The following TAFA1 variants were observed in gnomAD, a reference collection of about 807,000 sequenced individuals.
TAFA1 encodes TAFA chemokine like family member 1.
TAFA1 carries 4 observed loss-of-function variants against 18.5 expected under a neutral mutation model. The observed-to-expected ratio is 0.22, with a 90% CI of 0.11 to 0.49. The LOEUF (loss-of-function observed/expected upper bound fraction) is 0.49. Ranked by LOEUF, TAFA1 falls within the 20% of genes least tolerant of loss-of-function variation. The pLI is 0.98. For synonymous variants in TAFA1, 56 were observed against 55.2 expected, an observed-to-expected ratio of 1.01 and a Z score of -0.06; for missense variants, 147 against 169.0, an observed-to-expected ratio of 0.87 and a Z score of 0.72.
Position 68,544,468 on chromosome 3 carries a change from G to T in TAFA1, c.385-18G>T. ...TTGCACTGTTCTCCCTGAAATGTCT[G>T]TCTTTCTTTGGTTTCAGATTCACCC... On this transcript the variant is annotated intron_variant, in intron 4 of 4. Coordinates refer to ENST00000478136, the MANE Select transcript of TAFA1 (RefSeq NM_213609.4). 1.2e-6 allele frequency: 2 copies of T among 1,611,984 alleles called. No individual in the cohort carries two copies. The highest frequency in any genetic ancestry group is 1.7e-6 in the Non-Finnish European group (2 of 1,178,666).
Position 68,105,978 on chromosome 3 carries a change from G to A in TAFA1, c.118+99234G>A, listed in dbSNP as rs375691446. Among the ~76,000 whole-genome samples, 406 of 152,186 alleles carry A rather than the reference G, an allele frequency of 2.7e-3. 2 individuals are homozygous for A. The highest frequency in any genetic ancestry group is 0.024 in the Middle Eastern group (7 of 294). On this transcript the variant is annotated intron_variant, in intron 2 of 4. Coordinates refer to ENST00000478136, the MANE Select transcript of TAFA1 (RefSeq NM_213609.4). ...GCAAGTGTTGCTTGGTAAATTTGAT[G>A]AGCCTAATTCAACCACAATTTTCAA...
At chr3:68,287,956 G>A (rs577456733) in intron 2 of TAFA1, among the ~76,000 whole-genome samples, 1 of 146,870 alleles carries the variant, frequency 6.8e-6, no homozygotes, top group South Asian at 2.2e-4. Context: ...ACCCTAAAAT[G>A]ATTAGATCCA....
chr3:68,446,620 TTA>T (rs555995790), intron 3 of TAFA1, among the ~76,000 whole-genome samples: 2 of 152,214 alleles, frequency 1.3e-5, no homozygotes, highest in South Asian at 4.1e-4. Flanking sequence ...GACAGAAGAC[TTA>T]TGTCTAAAAA....
chr3:68,470,406 C>T (rs531400310), intron 3 of TAFA1, among the ~76,000 whole-genome samples: 58 of 152,296 alleles, frequency 3.8e-4, no homozygotes, highest in African/African-American at 1.4e-3. Context: ...AACTGGGTAA[C>T]AGGCAGAGGT....
At chr3:68,010,286 T>C (rs1704446075) in intron 2 of TAFA1, among the ~76,000 whole-genome samples, 1 of 152,180 alleles carries the variant, frequency 6.6e-6, no homozygotes, top group South Asian at 2.1e-4. Context: ...ATATTGATGG[T>C]ATTCAGACAG....
chr3:68,393,816 C>CA (rs2070316058), intron 2 of TAFA1, among the ~76,000 whole-genome samples: 2 of 152,124 alleles, frequency 1.3e-5, no homozygotes, highest in South Asian at 4.1e-4. Flanking sequence ...TTCAACACCC[C>CA]TTCATGCTAA....
intron 2 of TAFA1, among the ~76,000 whole-genome samples, chr3:68,360,043 TC>T (rs1195816963): frequency 6.6e-6 from 1 of 151,982 alleles, no homozygotes; most frequent in African/African-American, 2.4e-5. Flanking sequence ...TTTATCAGGA[TC>T]AATCAATGCC....
intron 2 of TAFA1, among the ~76,000 whole-genome samples, chr3:68,227,131 A>T (rs990272543): frequency 6.6e-6 from 1 of 151,426 alleles, no homozygotes; most frequent in Non-Finnish European, 1.5e-5. Context: ...TTCCTTAAAC[A>T]TCTCAAAATG....
rs116931280 is a variant in TAFA1, at chr3:68,250,699, G to A, written c.119-166581G>A. Reference sequence around the variant, plus strand: ...AAGGCAGAACAAAAATTACTTGAGCGGGGATTTAGACAGGGATTCCAAGAA... The same window carrying A: ...AAGGCAGAACAAAAATTACTTGAGCAGGGATTTAGACAGGGATTCCAAGAA... On this transcript the variant is annotated intron_variant, in intron 2 of 4. Transcript: ENST00000478136. The A allele has an allele frequency of 1.1e-4, 16 of 151,568 alleles. No homozygotes were observed. In the East Asian group the frequency reaches 1.6e-3, roughly 15 times the overall value. The allele number at this position is 151,568 out of a possible 1,614,324, so 9.4% of individuals were successfully genotyped here.
intron 2 of TAFA1, among the ~76,000 whole-genome samples, chr3:68,416,097 A>G (rs1362619476): frequency 6.6e-6 from 1 of 152,108 alleles, no homozygotes; most frequent in Non-Finnish European, 1.5e-5. Flanking sequence ...ACAATCAGAA[A>G]TATCTCCAAA....
chr3:68,225,033 C>T (rs182917166), intron 2 of TAFA1, among the ~76,000 whole-genome samples: 259 of 150,530 alleles, frequency 1.7e-3, no homozygotes, highest in African/African-American at 6.1e-3. Flanking sequence ...CTCAGCCTCC[C>T]GAGTAGCTGG....
intron 2 of TAFA1, among the ~76,000 whole-genome samples, chr3:68,408,795 T>A (rs1223368689): frequency 3.3e-5 from 5 of 152,148 alleles, no homozygotes; most frequent in Non-Finnish European, 1.5e-5. Flanking sequence ...TAATTCCAGT[T>A]GGGAGTCAGG....
At chr3:68,354,536 T>C (rs1200129259) in intron 2 of TAFA1, among the ~76,000 whole-genome samples, 1 of 151,918 alleles carries the variant, frequency 6.6e-6, no homozygotes, top group African/African-American at 2.4e-5. Flanking sequence ...GAAGAGAATA[T>C]GAAACATCTA....
intron 2 of TAFA1, among the ~76,000 whole-genome samples, chr3:68,277,761 A>C (rs1160536039): frequency 6.6e-6 from 1 of 152,186 alleles, no homozygotes; most frequent in Non-Finnish European, 1.5e-5. Context: ...ATTCTTGTCT[A>C]AGTGTAGAGA....
At chr3:68,473,894 C>G (rs189182615) in intron 3 of TAFA1, among the ~76,000 whole-genome samples, 1 of 152,254 alleles carries the variant, frequency 6.6e-6, no homozygotes, top group East Asian at 1.9e-4. Flanking sequence ...TTGTTCTACA[C>G]TATATCCCCA....
intron 2 of TAFA1, among the ~76,000 whole-genome samples, chr3:68,337,976 T>G (rs2106746014): frequency 6.6e-6 from 1 of 152,324 alleles, no homozygotes; most frequent in South Asian, 2.1e-4. Flanking sequence ...ACTTAGTGGG[T>G]TTCTGTCAAA....
At chr3:68,411,694 G>C (rs1429136878) in intron 2 of TAFA1, among the ~76,000 whole-genome samples, 1 of 152,126 alleles carries the variant, frequency 6.6e-6, no homozygotes, top group Non-Finnish European at 1.5e-5. Context: ...TCTTAGAGTA[G>C]AGGTAACTGA....
At chr3:68,380,315 T>C (rs1443767722) in intron 2 of TAFA1, among the ~76,000 whole-genome samples, 1 of 152,210 alleles carries the variant, frequency 6.6e-6, no homozygotes, top group African/African-American at 2.4e-5. Flanking sequence ...ATGGCATTTC[T>C]AGTTCTAGAT....
At chr3:68,140,894 C>G (rs894134896) in intron 2 of TAFA1, among the ~76,000 whole-genome samples, 1 of 152,184 alleles carries the variant, frequency 6.6e-6, no homozygotes, top group Admixed American at 6.6e-5. Flanking sequence ...CTATCATTCA[C>G]TCTATACAAC....
Sources: gnomAD v4.1 joint callset for allele counts (sites outside exome capture counted in the v4.1 genomes callset) on GRCh38, gnomAD v4.1.1 for gene constraint, MANE v1.5 for transcripts, NCBI Gene and HGNC (gene_info 2026-07-23, HGNC 2026-07-21) for gene names.